The following C5orf24 variants were observed in gnomAD, a reference collection of about 807,000 sequenced individuals.
C5orf24 encodes the protein UPF0461 protein C5orf24.
Under a neutral mutation model 9.8 loss-of-function variants are expected in C5orf24, and 4 were observed. That is an observed-to-expected ratio of 0.41 (90% CI 0.20 to 0.93). The LOEUF (loss-of-function observed/expected upper bound fraction) is 0.93, where lower values mean the gene tolerates loss of function less well. Among genes scored for constraint, C5orf24 ranks in the 40% least tolerant of loss-of-function variants. The pLI, the probability that C5orf24 is intolerant of heterozygous loss-of-function variation, is 0.33. For missense variants in C5orf24, 170 were observed against 236.9 expected, an observed-to-expected ratio of 0.72 and a Z score of 1.85; for synonymous variants, 73 against 81.3, an observed-to-expected ratio of 0.90 and a Z score of 0.55.
chr5:134,838,059 C>G, the C5orf24 span, among the ~76,000 whole-genome samples: 1 of 152,074 alleles, frequency 6.6e-6, no homozygotes, highest in African/African-American at 2.4e-5. Context: ...CCAGTCTGAT[C>G]AATATAGGGA....
Position 134,856,759 on chromosome 5 carries a change from T to TA in C5orf24, c.*1293dup, listed in dbSNP as rs1267225760. On this transcript the variant is annotated 3_prime_UTR_variant, in exon 2 of 2. Coordinates refer to ENST00000394976, the MANE Select transcript of C5orf24 (RefSeq NM_001135586.1). Reference sequence around the variant, plus strand: ...GAAATTGTCCCATTGCATTAGCACTTACTGTGTTTTCAGGTTGATATCTAC... The same window carrying TA: ...GAAATTGTCCCATTGCATTAGCACTTAACTGTGTTTTCAGGTTGATATCTAC... The TA allele has an allele frequency of 1.0e-6, 1 of 999,924 alleles. No homozygotes were observed. The highest frequency in any genetic ancestry group is 1.7e-5 in the African/African-American group (1 of 57,246). 61.9% of individuals were successfully genotyped at this position (999,924 alleles called of 1,614,324 possible). A position where few individuals can be genotyped will look rare whatever the true frequency, so the allele number is the denominator to read the frequency against.
chr5:134,853,932 T>C (rs2150175791), intron 1 of C5orf24, among the ~76,000 whole-genome samples: 1 of 152,170 alleles, frequency 6.6e-6, no homozygotes, highest in East Asian at 1.9e-4. Flanking sequence ...GTACAAAAAT[T>C]AGCCGAACAT....
chr5:134,839,577 TAGA>T, the C5orf24 span, among the ~76,000 whole-genome samples: 7 of 152,184 alleles, frequency 4.6e-5, no homozygotes, highest in Non-Finnish European at 8.8e-5. Context: ...GCAGCATTAT[TAGA>T]ATATGTCAAT....
At chr5:134,834,934 C>T in the C5orf24 span, among the ~76,000 whole-genome samples, 3 of 152,048 alleles carry the variant, frequency 2.0e-5, no homozygotes, top group Non-Finnish European at 2.9e-5. Context: ...GTCCCAGCTA[C>T]TCGGGAGGCT....
the C5orf24 span, among the ~76,000 whole-genome samples, chr5:134,834,285 G>C: frequency 6.6e-6 from 1 of 152,126 alleles, no homozygotes; most frequent in Non-Finnish European, 1.5e-5. Context: ...TAGCAGCCTG[G>C]CAACTTCAGG....
chr5:134,853,488 T>C (rs966758623), intron 1 of C5orf24, among the ~76,000 whole-genome samples: 2 of 149,420 alleles, frequency 1.3e-5, no homozygotes, highest in African/African-American at 4.9e-5. Context: ...GGGATGTCCT[T>C]ACAGACAAAA....
upstream of C5orf24, among the ~76,000 whole-genome samples, chr5:134,844,251 C>T (rs1228531531): frequency 6.6e-6 from 1 of 152,154 alleles, no homozygotes; most frequent in African/African-American, 2.4e-5. Flanking sequence ...CTTAATATGC[C>T]TTAAAATCTG....
the C5orf24 span, among the ~76,000 whole-genome samples, chr5:134,838,076 G>A: frequency 1.3e-5 from 2 of 152,036 alleles, no homozygotes; most frequent in South Asian, 2.1e-4. Context: ...GGGAGACCCC[G>A]TCTGTATTTA....
Position 134,853,412 on chromosome 5 carries a change from T to TATA in C5orf24, c.-3-1484_-3-1483insAAT, listed in dbSNP as rs1249706955. On this transcript the variant is annotated intron_variant, in intron 1 of 1. Transcript: ENST00000394976. ...ATTTCCTCTGTCTAAATGATATGGC[T>TATA]ATTTAGAGCTAGTTTGTTGTGGTAG... 2.7e-5 allele frequency among the ~76,000 whole-genome samples: 4 copies of TATA among 148,946 alleles called. 1 individual carries two copies. Among genetic ancestry groups the TATA allele is most frequent in the Non-Finnish European group, 5.9e-5 (4 of 67,250 alleles).
In C5orf24 at chr5:134,856,812, G is replaced by A; in HGVS notation, c.*1345G>A. The A allele has an allele frequency of 6.0e-6, 6 of 1,000,286 alleles. No individual in the cohort carries two copies. Among genetic ancestry groups the A allele is most frequent in the Non-Finnish European group, 7.2e-6 (6 of 830,020 alleles). 62.0% of individuals were successfully genotyped at this position (1,000,286 alleles called of 1,614,324 possible). On this transcript the variant is annotated 3_prime_UTR_variant, in exon 2 of 2. Transcript: ENST00000394976. The stretch of plus-strand genomic sequence containing the variant: ...AAGGACACAAATTGAATGGTAGACT[G>A]TAAAACTGGTATAAACAGAATGCAG...
Position 134,850,454 on chromosome 5 carries a change from A to T in C5orf24, c.-4+4242A>T, listed in dbSNP as rs543513782. ...GAACCACCATGGCTGGCCAAGATGC[A>T]TGCTTTTTAAAAATTGCAAGTGTTT... On this transcript the variant is annotated intron_variant, in intron 1 of 1. Transcript: ENST00000394976. 3.4e-5 allele frequency among the ~76,000 whole-genome samples: 5 copies of T among 147,260 alleles called. No homozygotes were observed. The East Asian group carries it at 8.2e-4, about 24-fold the overall frequency.
At position 134,857,140 on chromosome 5, in the gene C5orf24, T is replaced by C. The variant is rs1756335912; in HGVS notation, c.*1673T>C. On this transcript the variant is annotated 3_prime_UTR_variant, in exon 2 of 2. Coordinates refer to ENST00000394976, the MANE Select transcript of C5orf24 (RefSeq NM_001135586.1). Reference sequence around the variant, plus strand: ...TGAGTTTGTTCTAAATAAAATATTATAAACTTCAGACTTGAAAAAATTCCA... The same window carrying C: ...TGAGTTTGTTCTAAATAAAATATTACAAACTTCAGACTTGAAAAAATTCCA... The C allele has an allele frequency of 4.6e-6, 6 of 1,297,164 alleles. No individual in the cohort carries two copies. The South Asian group carries it at 7.1e-5, about 15-fold the overall frequency. The allele number at this position is 1,297,164 out of a possible 1,614,324, so 80.4% of individuals were successfully genotyped here.
At chr5:134,840,161 G>T in the C5orf24 span, among the ~76,000 whole-genome samples, 1 of 152,050 alleles carries the variant, frequency 6.6e-6, no homozygotes, top group African/African-American at 2.4e-5. Context: ...CAAAACACTA[G>T]CCTGGCATGG....
upstream of C5orf24, among the ~76,000 whole-genome samples, chr5:134,843,163 T>C (rs1478455935): frequency 6.6e-6 from 1 of 152,012 alleles, no homozygotes; most frequent in African/African-American, 2.4e-5. Flanking sequence ...TTTTACTAGA[T>C]ACGAGGTTTC....
upstream of C5orf24, among the ~76,000 whole-genome samples, chr5:134,842,974 T>C (rs1755921255): frequency 6.6e-6 from 1 of 152,044 alleles, no homozygotes; most frequent in African/African-American, 2.4e-5. Flanking sequence ...TGATGAATAT[T>C]TGTCCCCATA....
rs2150177128 is a variant in C5orf24 at position 134,856,278 on chromosome 5, G to A, written c.*811G>A. 3 of 995,034 alleles carry A rather than the reference G, an allele frequency of 3.0e-6. No individual in the cohort carries two copies. Among genetic ancestry groups the A allele is most frequent in the Non-Finnish European group, 3.6e-6 (3 of 825,296 alleles). 61.6% of individuals were successfully genotyped at this position (995,034 alleles called of 1,614,324 possible). ...CATATTTCATATAATAGAAAAAGAA[G>A]CATTCTCTAGGTTTGCATGTAGCTA... On this transcript the variant is annotated 3_prime_UTR_variant, in exon 2 of 2. Transcript: ENST00000394976.
upstream of C5orf24, among the ~76,000 whole-genome samples, chr5:134,845,066 T>C (rs1298948890): frequency 6.6e-6 from 1 of 152,222 alleles, no homozygotes; most frequent in Non-Finnish European, 1.5e-5. Context: ...GTAGGTTTGA[T>C]CAACTGTTCA....
At chr5:134,840,478 G>C in the C5orf24 span, among the ~76,000 whole-genome samples, 1 of 151,882 alleles carries the variant, frequency 6.6e-6, no homozygotes. Context: ...GGGCTCAAGT[G>C]GTCCTCCCTC....
At position 134,856,649 on chromosome 5, in the gene C5orf24, AAAT is replaced by A. The variant is rs933449655; in HGVS notation, c.*1185_*1187del. On this transcript the variant is annotated 3_prime_UTR_variant, in exon 2 of 2. Transcript: ENST00000394976. The stretch of plus-strand genomic sequence containing the variant: ...GAGTAAGACTCCGTCTCAAATAAAT[AAAT>A]AAATAAATAAATAAATAAATAAATA... 3.1e-5 allele frequency: 20 copies of A among 646,406 alleles called. No homozygotes were observed. The African/African-American group carries it at 4.5e-4, about 15-fold the overall frequency. 40.0% of individuals were successfully genotyped at this position (646,406 alleles called of 1,614,324 possible).
Sources: allele counts gnomAD v4.1 joint callset (sites outside exome capture counted in the v4.1 genomes callset), GRCh38; gene constraint gnomAD v4.1.1; transcripts MANE v1.5; gene names NCBI Gene and HGNC (gene_info 2026-07-23, HGNC 2026-07-21).